RADIL: variants seen among roughly 807,000 people sequenced by gnomAD.
RADIL encodes the protein Rap associating with DIL domain, also known as ras-associating and dilute domain-containing protein.
RADIL carries 99 observed loss-of-function variants against 97.6 expected under a neutral mutation model. The ratio of observed to expected loss-of-function variants is 1.01; its 90% CI spans 0.86 to 1.20. The LOEUF (loss-of-function observed/expected upper bound fraction) is 1.20. Among genes scored for constraint, RADIL ranks in the 50% most tolerant of loss-of-function variants. The probability of loss-of-function intolerance (pLI) is 0.00; values close to 1 mark genes in which losing one functional copy is unlikely to be tolerated. For missense variants in RADIL, 1,765 were observed against 1,498.9 expected (o/e 1.18, Z -2.93); for synonymous variants, 803 against 691.8 (o/e 1.16, Z -2.52).
chr7:4,874,480 C>T (rs971368790), intron 2 of RADIL, among the ~76,000 whole-genome samples: 2 of 152,210 alleles, frequency 1.3e-5, no homozygotes, highest in Admixed American at 1.3e-4. Flanking sequence ...TCTCAAACCA[C>T]CCGGCCGCCT....
intron 10 of RADIL, among the ~76,000 whole-genome samples, chr7:4,805,085 CTCT>C (rs1782253945): frequency 6.6e-6 from 1 of 151,980 alleles, no homozygotes; most frequent in Non-Finnish European, 1.5e-5. Flanking sequence ...CAGAGCAAGA[CTCT>C]TGTCTCAAAA....
rs1407885286 is a variant in RADIL at position 4,879,369 on chromosome 7, G to A, written c.-64-1166C>T. 3.9e-5 allele frequency among the ~76,000 whole-genome samples: 6 copies of A among 152,344 alleles called. No individual in the cohort carries two copies. The highest frequency in any genetic ancestry group is 2.1e-4 in the South Asian group (1 of 4,832). On this transcript the variant is annotated intron_variant, in intron 1 of 14. Coordinates refer to ENST00000399583, the MANE Select transcript of RADIL (RefSeq NM_018059.5). This position sits in a 1 kb window ranked among gnomAD's most constrained non-coding sequence, Gnocchi z 4.1. ...CAGAGAAAAAGGAAGGCAGGTCTCC[G>A]ATTTGGAAAAGGTGAGGCTGGACTG... is the stretch of plus-strand genomic sequence containing the variant.
Position 4,877,945 on chromosome 7 carries a change from C to G in RADIL, c.195G>C (p.Leu65=). The part of the protein sequence containing the change: ...LSTQLSAPGV[L]KVFGDSVCTG... ...TGCAGACACTGTCCCCAAACACCTT[C>G]AGGACACCAGGGGCCGACAGCTGGG... Residue 65 remains leucine, a synonymous_variant, in exon 2 of 15, where the codon CTG becomes CTC. Transcript: ENST00000399583. The G allele has an allele frequency of 6.2e-7, 1 of 1,609,884 alleles. No homozygotes were observed.
At chr7:4,852,380 C>A (rs1386790467) in intron 2 of RADIL, among the ~76,000 whole-genome samples, 1 of 152,182 alleles carries the variant, frequency 6.6e-6, no homozygotes, top group Non-Finnish European at 1.5e-5. Context: ...TGGAATTTGC[C>A]TCACTAGAGT....
intron 2 of RADIL, among the ~76,000 whole-genome samples, chr7:4,844,064 T>C (rs1428446220): frequency 6.6e-6 from 1 of 152,150 alleles, no homozygotes; most frequent in African/African-American, 2.4e-5. Flanking sequence ...AAGACAAGGA[T>C]GCCTGCTGTA....
At position 4,824,683 on chromosome 7, in the gene RADIL, G is replaced by C. The variant is rs967175667; in HGVS notation, c.1455-2129C>G. Among the ~76,000 whole-genome samples, 4 of 152,204 alleles carry C rather than the reference G, an allele frequency of 2.6e-5. No individual in the cohort carries two copies. Among genetic ancestry groups the C allele is most frequent in the Non-Finnish European group, 5.9e-5 (4 of 68,040 alleles). On this transcript the variant is annotated intron_variant, in intron 5 of 14. Transcript: ENST00000399583. The surrounding 1 kb of genome is among the most constrained non-coding windows in gnomAD (Gnocchi z 6.7). Reference sequence around the variant, plus strand: ...TCTCCTGTTTTTGGCGGCTAAGCAGGTCCGCTGCCTGCTCATGTGTCTGGC... The same window carrying C: ...TCTCCTGTTTTTGGCGGCTAAGCAGCTCCGCTGCCTGCTCATGTGTCTGGC...
intron 5 of RADIL, among the ~76,000 whole-genome samples, chr7:4,829,558 C>T (rs553302540): frequency 6.6e-6 from 1 of 152,242 alleles, no homozygotes; most frequent in South Asian, 2.1e-4. Context: ...ATTTTTGGTA[C>T]GTGAGGCACT....
At position 4,817,090 on chromosome 7, in the gene RADIL, G is replaced by A; in HGVS notation, c.1728+149C>T. ...GTGCAGCTGGGCCTGTGCAGAACCT[G>A]CAGCCACTGCTCCCTGATGAAGTGG... On this transcript the variant is annotated intron_variant, in intron 7 of 14. Coordinates refer to ENST00000399583, the MANE Select transcript of RADIL (RefSeq NM_018059.5). This position sits in a 1 kb window ranked among gnomAD's most constrained non-coding sequence, Gnocchi z 8.3. 6.0e-6 allele frequency: 4 copies of A among 665,402 alleles called. No individual in the cohort carries two copies. The highest frequency in any genetic ancestry group is 5.7e-5 in the Admixed American group (2 of 35,378). 41.2% of individuals were successfully genotyped at this position (665,402 alleles called of 1,614,324 possible).
chr7:4,831,156 A>C (rs1202466388), intron 5 of RADIL, among the ~76,000 whole-genome samples: 2 of 150,244 alleles, frequency 1.3e-5, no homozygotes, highest in Non-Finnish European at 3.0e-5. Flanking sequence ...TCATTATTGC[A>C]CTCTAGCCTG....
rs2115146131 is a variant in RADIL at position 4,798,304 on chromosome 7, C to T, written c.*1074G>A. 1 of 152,276 alleles carries T rather than the reference C, an allele frequency of 6.6e-6. No individual in the cohort carries two copies. Among genetic ancestry groups the T allele is most frequent in the Non-Finnish European group, 1.5e-5 (1 of 68,030 alleles). The allele number at this position is 152,276 out of a possible 1,614,324, so 9.4% of individuals were successfully genotyped here. ...CACACCAGGGGGCAGCGTGGAGCTG[C>T]ACGAGGCCCAGGGCCTGGGACAGAC... On this transcript the variant is annotated 3_prime_UTR_variant, in exon 15 of 15. Transcript: ENST00000399583.
chr7:4,809,337 C>G (rs1782467756), intron 9 of RADIL: 1 of 985,150 alleles, frequency 1.0e-6, no homozygotes, highest in African/African-American at 1.7e-5. Context: ...AGGAGAAGTC[C>G]TGTTTTCAAC....
rs1397489553 is a variant in RADIL at position 4,880,628 on chromosome 7, C to T, written c.-64-2425G>A. On this transcript the variant is annotated intron_variant, in intron 1 of 14. Transcript: ENST00000399583. The surrounding 1 kb of genome is among the most constrained non-coding windows in gnomAD (Gnocchi z 4.5). Reference sequence around the variant, plus strand: ...CACACTGGCAGAGGGTCGGCCACCACCTTTTCATAGTGCTCATTTCCAACG... The same window carrying T: ...CACACTGGCAGAGGGTCGGCCACCATCTTTTCATAGTGCTCATTTCCAACG... Among the ~76,000 whole-genome samples the T allele has an allele frequency of 2.0e-5, 3 of 152,210 alleles. No individual in the cohort carries two copies. Among genetic ancestry groups the T allele is most frequent in the Non-Finnish European group, 4.4e-5 (3 of 68,040 alleles).
chr7:4,802,071 G>A (rs1782106315), intron 11 of RADIL, 76 bp from the exon 12 acceptor site: 13 of 1,268,686 alleles, frequency 1.0e-5, no homozygotes, highest in Non-Finnish European at 1.4e-5. Flanking sequence ...TGGGCAGCCT[G>A]CAGCAGAAGG....
chr7:4,865,325 A>G, intron 2 of RADIL: 1 of 525,028 alleles, frequency 1.9e-6, no homozygotes, highest in Non-Finnish European at 3.5e-6. Flanking sequence ...CCCTGCAAGA[A>G]TACAATATTG....
At chr7:4,839,929 A>G (rs1783399661) in intron 2 of RADIL, among the ~76,000 whole-genome samples, 1 of 152,112 alleles carries the variant, frequency 6.6e-6, no homozygotes, top group African/African-American at 2.4e-5. Context: ...TTATCTTTAG[A>G]TTAGAGACAG....
chr7:4,803,877 T>G (rs760050745), intron 10 of RADIL, 123 bp from the exon 11 acceptor site: 9 of 878,648 alleles, frequency 1.0e-5, no homozygotes, highest in South Asian at 1.0e-4. Context: ...CCCTGCCCTG[T>G]GGACACAGGA....
chr7:4,802,119 C>T (rs571965723), intron 11 of RADIL, 124 bp from the exon 12 acceptor site: 17 of 777,794 alleles, frequency 2.2e-5, no homozygotes, highest in African/African-American at 1.9e-4. Flanking sequence ...CAAAGGACTC[C>T]CGCAGCCTGT....
intron 2 of RADIL, among the ~76,000 whole-genome samples, chr7:4,853,805 C>T (rs1033834240): frequency 6.7e-6 from 1 of 150,344 alleles, no homozygotes; most frequent in Admixed American, 6.6e-5. Context: ...TGATTTTGAA[C>T]TTCTAAATAT....
chr7:4,818,633 C>T lies in RADIL; in HGVS notation c.1616-1282G>A, dbSNP rs1487216766. On this transcript the variant is annotated intron_variant, in intron 6 of 14. Coordinates refer to ENST00000399583, the MANE Select transcript of RADIL (RefSeq NM_018059.5). The surrounding 1 kb of genome is among the most constrained non-coding windows in gnomAD (Gnocchi z 7.1). ...TGTGGAGACACACAAGGTGGCCCGACGGCGCCCACAGCGAGTGCCGGCAAA... is the reference window on the plus strand; with the variant it reads ...TGTGGAGACACACAAGGTGGCCCGATGGCGCCCACAGCGAGTGCCGGCAAA... 6.6e-6 allele frequency among the ~76,000 whole-genome samples: 1 copy of T among 152,184 alleles called. No homozygotes were observed. Among genetic ancestry groups the T allele is most frequent in the African/African-American group, 2.4e-5 (1 of 41,440 alleles).
Sources: gnomAD v4.1 joint callset for allele counts (sites outside exome capture counted in the v4.1 genomes callset) on GRCh38, gnomAD v4.1.1 for gene constraint, Gnocchi (gnomAD v3.1) non-coding constraint, MANE v1.5 for transcripts, NCBI Gene and HGNC (gene_info 2026-07-23, HGNC 2026-07-21) for gene names.